Variants in DUS4L observed in about 807,000 individuals in gnomAD.
DUS4L encodes dihydrouridine synthase 4 like, also known as tRNA-dihydrouridine(20a/20b) synthase [NAD(P)+]-like.
Under a neutral mutation model 33.8 loss-of-function variants are expected in DUS4L, and 31 were observed. The ratio of observed to expected loss-of-function variants is 0.92; its 90% CI spans 0.69 to 1.24. The LOEUF (loss-of-function observed/expected upper bound fraction) is 1.24, where lower values mean the gene tolerates loss of function less well. DUS4L is among the 50% of genes most tolerant of loss of function. The probability of loss-of-function intolerance (pLI) is 0.00; values close to 1 mark genes in which losing one functional copy is unlikely to be tolerated. For missense variants in DUS4L, 368 were observed against 388.6 expected, an observed-to-expected ratio of 0.95 and a Z score of 0.45; for synonymous variants, 103 against 120.3, an observed-to-expected ratio of 0.86 and a Z score of 0.94.
intron 4 of DUS4L, among the ~76,000 whole-genome samples, chr7:107,572,543 C>T (rs144545713): frequency 1.6e-4 from 25 of 152,262 alleles, no homozygotes; most frequent in African/African-American, 5.1e-4. Context: ...TTAATACATT[C>T]GGCTGTATTA....
Position 107,577,643 on chromosome 7 carries a change from T to TA in DUS4L, c.*84dup. ...GGTCATATTTTGTACCTTAAACCAG[T>TA]AGCTCTCAAATTTTAGTATAAAAAC... On this transcript the variant is annotated 3_prime_UTR_variant, in exon 8 of 8. Coordinates refer to ENST00000265720, the MANE Select transcript of DUS4L (RefSeq NM_181581.3). 1 of 1,422,336 alleles carries TA rather than the reference T, an allele frequency of 7.0e-7. No homozygotes were observed. Among genetic ancestry groups the TA allele is most frequent in the Non-Finnish European group, 9.4e-7 (1 of 1,061,334 alleles). The allele number at this position is 1,422,336 out of a possible 1,614,324, so 88.1% of individuals were successfully genotyped here.
In DUS4L at chr7:107,573,571, T is replaced by C. The variant is rs57258931; in HGVS notation, c.239-133T>C. On this transcript the variant is annotated intron_variant, in intron 4 of 7. Coordinates refer to ENST00000265720, the MANE Select transcript of DUS4L (RefSeq NM_181581.3). ...ATATTTTAAATTGTTTAATGTTATA[T>C]TATTTGGACAGATGCTTCTTAGGCT... is the stretch of plus-strand genomic sequence containing the variant. 1,113 of 765,592 alleles carry C rather than the reference T, an allele frequency of 1.5e-3. 14 individuals are homozygous for C. In the African/African-American group the frequency reaches 0.018, roughly 13 times the overall value. The allele number at this position is 765,592 out of a possible 1,614,324, so 47.4% of individuals were successfully genotyped here. A position where few individuals can be genotyped will look rare whatever the true frequency, so the allele number is the denominator to read the frequency against.
intron 5 of DUS4L, among the ~76,000 whole-genome samples, chr7:107,574,655 C>T (rs1805570198): frequency 6.6e-6 from 1 of 152,156 alleles, no homozygotes; most frequent in Non-Finnish European, 1.5e-5. Flanking sequence ...AATAGTTCTA[C>T]TTTACTGGCA....
Position 107,563,987 on chromosome 7 carries a change from C to T in DUS4L, c.-333C>T, listed in dbSNP as rs1475003529. On this transcript the variant is annotated 5_prime_UTR_variant, in exon 1 of 8. Coordinates refer to ENST00000265720, the MANE Select transcript of DUS4L (RefSeq NM_181581.3). The stretch of plus-strand genomic sequence containing the variant: ...CCCGGCGCCGCCCGCCCACCCAGCC[C>T]ATGGCTCCAGGCCCACCTGGCGAAC... 4.5e-6 allele frequency: 7 copies of T among 1,566,364 alleles called. No individual in the cohort carries two copies. The highest frequency in any genetic ancestry group is 6.0e-6 in the Non-Finnish European group (7 of 1,158,166).
At chr7:107,570,416 G>A (rs1805107417) in intron 3 of DUS4L, 1 of 152,262 alleles carries the variant, frequency 6.6e-6, no homozygotes, top group African/African-American at 2.4e-5. Context: ...AATAATGAAA[G>A]TCCTGGCTCT....
chr7:107,569,260 G>A (rs1208607972), intron 3 of DUS4L, among the ~76,000 whole-genome samples: 1 of 152,170 alleles, frequency 6.6e-6, no homozygotes, highest in Non-Finnish European at 1.5e-5. Context: ...GCTTCTTTGT[G>A]AGAAATCAGC....
intron 2 of DUS4L, among the ~76,000 whole-genome samples, chr7:107,566,477 T>C (rs1804712281): frequency 6.6e-6 from 1 of 152,212 alleles, no homozygotes; most frequent in South Asian, 2.1e-4. Flanking sequence ...AGAATTATAA[T>C]TGAAATTTTC....
Position 107,564,022 on chromosome 7 carries a change from G to T in DUS4L, c.-298G>T, listed in dbSNP as rs766485363. On this transcript the variant is annotated 5_prime_UTR_variant, in exon 1 of 8. Coordinates refer to ENST00000265720, the MANE Select transcript of DUS4L (RefSeq NM_181581.3). ...GGCCCACCTGGCGAACTGACTCTCA[G>T]CCCGCGCCTGGGCTAAGCCTGGCTA... The T allele has an allele frequency of 3.5e-6, 5 of 1,435,296 alleles. No individual in the cohort carries two copies. The highest frequency in any genetic ancestry group is 3.2e-5 in the East Asian group (1 of 31,732). 88.9% of individuals were successfully genotyped at this position (1,435,296 alleles called of 1,614,324 possible).
At chr7:107,575,340 G>C in intron 6 of DUS4L, 30 bp downstream of exon 6, 1 of 1,602,966 alleles carries the variant, frequency 6.2e-7, no homozygotes, top group Non-Finnish European at 8.5e-7. Flanking sequence ...CTATTGATAG[G>C]ATAATCCATT....
chr7:107,576,649 A>C, intron 7 of DUS4L, 57 bp downstream of exon 7: 2 of 1,413,826 alleles, frequency 1.4e-6, no homozygotes, highest in Non-Finnish European at 1.9e-6. Context: ...GAGAGTGGGG[A>C]AGTAATGTTA....
At chr7:107,566,331 G>A (rs1053691743) in intron 2 of DUS4L, among the ~76,000 whole-genome samples, 2 of 152,092 alleles carry the variant, frequency 1.3e-5, no homozygotes, top group Non-Finnish European at 2.9e-5. Context: ...GCCAAGGACT[G>A]GAATATGAAA....
rs139353007 is a variant in DUS4L, at chr7:107,571,021, T to C, written c.117-124T>C. On this transcript the variant is annotated intron_variant, in intron 3 of 7. Transcript: ENST00000265720. ...TTTTAGTAATACTTAACAGGAATAA[T>C]AGGGAAAAGTAAATCTCCTCCATCT... 2.3e-4 allele frequency: 290 copies of C among 1,249,292 alleles called. 3 individuals carry two copies. The African/African-American group carries it at 4.1e-3, about 18-fold the overall frequency. The allele number at this position is 1,249,292 out of a possible 1,614,324, so 77.4% of individuals were successfully genotyped here.
At chr7:107,570,577 T>G (rs1422043324) in intron 3 of DUS4L, 2 of 153,164 alleles carry the variant, frequency 1.3e-5, no homozygotes, top group Non-Finnish European at 2.9e-5. Context: ...GATGAAAGTT[T>G]CAGATCCTTA....
intron 5 of DUS4L, chr7:107,574,794 G>A (rs1215582945): frequency 1.1e-5 from 3 of 284,844 alleles, no homozygotes; most frequent in Non-Finnish European, 2.0e-5. Flanking sequence ...GCTGTTTAGT[G>A]GTATTGGAAT....
At chr7:107,570,950 C>T (rs934983707) in intron 3 of DUS4L, 195 bp from the exon 4 acceptor site, 1 of 626,982 alleles carries the variant, frequency 1.6e-6, no homozygotes, top group South Asian at 2.1e-5. Flanking sequence ...CTTTTCTTCA[C>T]CTTTCAAAAT....
chr7:107,564,551 G>A (rs1409771396), intron 1 of DUS4L, 37 bp from the exon 2 acceptor site: 1 of 152,946 alleles, frequency 6.5e-6, no homozygotes, highest in Non-Finnish European at 1.5e-5. Flanking sequence ...CTTCCCATGA[G>A]ACCTTTGACC....
intron 3 of DUS4L, chr7:107,567,670 C>T (rs527601596): frequency 6.2e-6 from 2 of 321,350 alleles, no homozygotes; most frequent in South Asian, 2.6e-5. Context: ...ATTTACCTCT[C>T]GATCATTTTT....
chr7:107,570,968 T>C (rs893481596), intron 3 of DUS4L, 177 bp from the exon 4 acceptor site: 24 of 773,204 alleles, frequency 3.1e-5, no homozygotes, highest in Non-Finnish European at 4.4e-5. Flanking sequence ...AATTTTCTTG[T>C]GTTTGTTTTA....
chr7:107,573,862 GA>G (rs752257150), intron 5 of DUS4L, 41 bp downstream of exon 5: 9 of 1,442,430 alleles, frequency 6.2e-6, no homozygotes, highest in South Asian at 3.2e-5. Context: ...CAAAAGAGTA[GA>G]AAAAAAACTG....
Sources: gnomAD v4.1 joint callset for allele counts (sites outside exome capture counted in the v4.1 genomes callset) on GRCh38, gnomAD v4.1.1 for gene constraint, MANE v1.5 for transcripts, NCBI Gene and HGNC (gene_info 2026-07-23, HGNC 2026-07-21) for gene names.